ATAD2B: variants seen among roughly 807,000 people sequenced by gnomAD.
ATAD2B encodes ATPase family AAA domain containing 2B.
ATAD2B carries 40 observed loss-of-function variants against 167.6 expected under a neutral mutation model. The observed-to-expected ratio is 0.24, with a 90% confidence interval of 0.19 to 0.31. The LOEUF is 0.31. Among genes scored for constraint, ATAD2B ranks in the 10% least tolerant of loss-of-function variants. The pLI, the probability that ATAD2B is intolerant of heterozygous loss-of-function variation, is 1.00. For missense variants in ATAD2B, 1,242 were observed against 1,757.2 expected, an observed-to-expected ratio of 0.71 and a Z score of 5.24; for synonymous variants, 579 against 596.5, an observed-to-expected ratio of 0.97 and a Z score of 0.43.
chr2:23,887,741 G>C (rs17762465), intron 4 of ATAD2B, 91 bp downstream of exon 4: 549,718 of 1,174,502 alleles, frequency 0.47, 133,193 homozygotes, highest in East Asian at 0.81. Context: ...TGTATTGATT[G>C]CTAAGTCGTT....
At chr2:23,922,717 G>A (rs77367252) in intron 1 of ATAD2B, among the ~76,000 whole-genome samples, 7,177 of 110,146 alleles carry the variant, frequency 0.065, 271 homozygotes, top group Non-Finnish European at 0.092. Context: ...AAAAAAAAAA[G>A]GGTCCTAACT....
intron 24 of ATAD2B, 44 bp from the exon 25 acceptor site, chr2:23,758,145 C>G: frequency 1.4e-6 from 2 of 1,414,486 alleles, no homozygotes; most frequent in Non-Finnish European, 1.9e-6. Context: ...ACTTGGAATG[C>G]AATACCAATT....
the ATAD2B span, chr2:23,690,250 G>C: frequency 6.6e-6 from 1 of 152,260 alleles, no homozygotes; most frequent in Non-Finnish European, 1.5e-5. Context: ...TCCAGCCTCT[G>C]TCACAAAATC....
chr2:23,781,292 T>C (rs187538827), intron 22 of ATAD2B, among the ~76,000 whole-genome samples: 5 of 151,556 alleles, frequency 3.3e-5, no homozygotes, highest in East Asian at 3.9e-4. Context: ...TCTAATCATG[T>C]CTAAACACAG....
At chr2:23,730,665 CAAAAAAAA>C in the ATAD2B span, among the ~76,000 whole-genome samples, 60 of 31,990 alleles carry the variant, frequency 1.9e-3, no homozygotes, top group South Asian at 0.016. Flanking sequence ...GACTCCGTTT[CAAAAAAAA>C]AAAAAAAAAA....
chr2:23,923,301 C>T (rs919835044), intron 1 of ATAD2B, among the ~76,000 whole-genome samples: 1 of 152,060 alleles, frequency 6.6e-6, no homozygotes, highest in Non-Finnish European at 1.5e-5. Flanking sequence ...TTAGTGGAAT[C>T]TAAACTAGCA....
chr2:23,922,837 T>C (rs1461517105), intron 1 of ATAD2B, among the ~76,000 whole-genome samples: 1 of 152,078 alleles, frequency 6.6e-6, no homozygotes, highest in Non-Finnish European at 1.5e-5. Flanking sequence ...AAAATGGCTC[T>C]TGTCAAAAAG....
chr2:23,845,368 A>G (rs1347394575), intron 13 of ATAD2B, among the ~76,000 whole-genome samples: 1 of 152,162 alleles, frequency 6.6e-6, no homozygotes, highest in Non-Finnish European at 1.5e-5. Flanking sequence ...AGCAATAAAA[A>G]AGAACAAAAT....
At chr2:23,696,762 G>A in the ATAD2B span, 13 of 409,818 alleles carry the variant, frequency 3.2e-5, no homozygotes, top group African/African-American at 1.0e-4. The surrounding 1 kb of genome is among the most constrained non-coding windows in gnomAD (Gnocchi z 5.5). Flanking sequence ...CTTCTGTCCC[G>A]ACAACCCATT....
At position 23,755,720 on chromosome 2, in the gene ATAD2B, T is replaced by C. The variant is rs897063806; in HGVS notation, c.4079-946A>G. Among the ~76,000 whole-genome samples, 7 of 152,310 alleles carry C rather than the reference T, an allele frequency of 4.6e-5. No individual in the cohort carries two copies. In the South Asian group the frequency reaches 1.2e-3, roughly 27 times the overall value. On this transcript the variant is annotated intron_variant, in intron 25 of 27. Coordinates refer to ENST00000238789, the MANE Select transcript of ATAD2B (RefSeq NM_017552.4). ...TACTCCCAAGTCTTTAAACTCATCC[T>C]CCTTCTCAATGCCTGCTTTATAAAA...
At chr2:23,878,310 A>T (rs1573205413) in intron 7 of ATAD2B, among the ~76,000 whole-genome samples, 1 of 149,338 alleles carries the variant, frequency 6.7e-6, no homozygotes, top group African/African-American at 2.5e-5. Flanking sequence ...GCAGTGAGCC[A>T]AGACTGCACC....
intron 15 of ATAD2B, among the ~76,000 whole-genome samples, chr2:23,823,824 T>G (rs1687830025): frequency 6.6e-6 from 1 of 152,088 alleles, no homozygotes; most frequent in Admixed American, 6.6e-5. Flanking sequence ...GCTAACAATA[T>G]TAAAACAAAA....
At chr2:23,805,067 C>T (rs951538454) in intron 18 of ATAD2B, among the ~76,000 whole-genome samples, 5 of 150,780 alleles carry the variant, frequency 3.3e-5, no homozygotes, top group Non-Finnish European at 7.4e-5. Context: ...CACTTGAACC[C>T]GGGAGGCGGA....
the ATAD2B span, chr2:23,703,522 C>A: frequency 9.3e-7 from 1 of 1,072,074 alleles, no homozygotes; most frequent in Non-Finnish European, 1.3e-6. Flanking sequence ...GTTGCCGAGC[C>A]CCCAGCTCAG....
intron 2 of ATAD2B, 24 bp from the exon 3 acceptor site, chr2:23,888,423 T>C (rs1487661963): frequency 3.4e-6 from 5 of 1,464,172 alleles, no homozygotes; most frequent in East Asian, 2.4e-5. Flanking sequence ...ATATTTAATA[T>C]GCAAACACAT....
chr2:23,808,077 G>GTAATTATATATATAATTATATATATAA (rs1194701678), intron 18 of ATAD2B, among the ~76,000 whole-genome samples: 1 of 122,790 alleles, frequency 8.1e-6, no homozygotes, highest in Non-Finnish European at 1.6e-5. Context: ...TAATATATAA[G>GTAATTATATATATAATTATATATATAA]TAATTATATA....
intron 8 of ATAD2B, among the ~76,000 whole-genome samples, chr2:23,870,979 A>C (rs1046581073): frequency 1.3e-5 from 2 of 152,196 alleles, no homozygotes; most frequent in Admixed American, 6.5e-5. Flanking sequence ...AAAAAATACT[A>C]TAATAAAACC....
intron 1 of ATAD2B, among the ~76,000 whole-genome samples, chr2:23,920,542 G>C (rs1703756403): frequency 6.6e-6 from 1 of 152,114 alleles, no homozygotes; most frequent in Admixed American, 6.5e-5. Flanking sequence ...TTTCAGCACT[G>C]TGTCAGGTGC....
At chr2:23,918,221 A>AT in intron 1 of ATAD2B, among the ~76,000 whole-genome samples, 2 of 151,140 alleles carry the variant, frequency 1.3e-5, no homozygotes, top group Non-Finnish European at 3.0e-5. Flanking sequence ...AAAAAAAAAA[A>AT]AATAGCCAGG....
Sources: gnomAD v4.1 joint callset for allele counts (sites outside exome capture counted in the v4.1 genomes callset) on GRCh38, gnomAD v4.1.1 for gene constraint, Gnocchi (gnomAD v3.1) non-coding constraint, MANE v1.5 for transcripts, NCBI Gene and HGNC (gene_info 2026-07-23, HGNC 2026-07-21) for gene names.